KCNB2: variants seen among roughly 807,000 people sequenced by gnomAD.
KCNB2 encodes potassium voltage-gated channel subfamily B member 2.
A neutral mutation model predicts 61.5 loss-of-function variants in KCNB2; 15 were observed. The observed-to-expected ratio is 0.24, with a 90% CI of 0.16 to 0.38. The LOEUF is 0.38. Among genes scored for constraint, KCNB2 ranks in the 10% least tolerant of loss-of-function variants. The pLI is 1.00. For missense variants in KCNB2, 828 were observed against 1,125.2 expected, an observed-to-expected ratio of 0.74 and a Z score of 3.78; for synonymous variants, 457 against 446.0, an observed-to-expected ratio of 1.02 and a Z score of -0.31.
intron 1 of KCNB2, among the ~76,000 whole-genome samples, chr8:72,566,750 C>T (rs1015761677): frequency 9.2e-5 from 14 of 151,366 alleles, no homozygotes; most frequent in African/African-American, 3.2e-4. Context: ...GAAGTCTAGG[C>T]AAGTAAGTGA....
chr8:72,598,120 T>C (rs1807229136), intron 2 of KCNB2, among the ~76,000 whole-genome samples: 2 of 139,454 alleles, frequency 1.4e-5, no homozygotes, highest in South Asian at 2.3e-4. Context: ...AAATGTGGTA[T>C]GTCAAAGCCT....
At chr8:72,825,358 G>C (rs925442094) in intron 2 of KCNB2, among the ~76,000 whole-genome samples, 2 of 152,100 alleles carry the variant, frequency 1.3e-5, no homozygotes, top group African/African-American at 4.8e-5. Context: ...TATGAACATG[G>C]GTGTACAAAT....
chr8:72,714,789 G>T (rs1382526023), intron 2 of KCNB2, among the ~76,000 whole-genome samples: 1 of 152,162 alleles, frequency 6.6e-6, no homozygotes, highest in Non-Finnish European at 1.5e-5. Flanking sequence ...CATAATGACA[G>T]GATCAAATTC....
chr8:72,925,950 A>G (rs1032784260), intron 2 of KCNB2, among the ~76,000 whole-genome samples: 2 of 152,200 alleles, frequency 1.3e-5, no homozygotes, highest in South Asian at 2.1e-4. Context: ...TTGCAGGGAC[A>G]TGCATGGAGC....
chr8:72,666,689 G>A (rs1806479334), intron 2 of KCNB2, among the ~76,000 whole-genome samples: 1 of 131,892 alleles, frequency 7.6e-6, no homozygotes, highest in South Asian at 2.4e-4. Context: ...TCTTGCTCTT[G>A]TCGCCCAGGC....
At chr8:72,780,768 T>G (rs1322177498) in intron 2 of KCNB2, among the ~76,000 whole-genome samples, 24 of 152,188 alleles carry the variant, frequency 1.6e-4, no homozygotes, top group Admixed American at 1.5e-3. Context: ...AAATGATATT[T>G]CTGGTTCTAG....
At chr8:72,729,150 A>G (rs879746226) in intron 2 of KCNB2, among the ~76,000 whole-genome samples, 1 of 152,208 alleles carries the variant, frequency 6.6e-6, no homozygotes, top group Admixed American at 6.5e-5. Context: ...TTCCCACTGC[A>G]TGGAGTTGTG....
At chr8:72,693,343 C>T (rs1806968940) in intron 2 of KCNB2, among the ~76,000 whole-genome samples, 2 of 152,138 alleles carry the variant, frequency 1.3e-5, no homozygotes, top group Admixed American at 1.3e-4. Context: ...CACGGATGTC[C>T]TTTTGCAAAA....
intron 1 of KCNB2, among the ~76,000 whole-genome samples, chr8:72,540,255 C>G (rs1475181562): frequency 1.3e-5 from 2 of 151,996 alleles, no homozygotes; most frequent in Non-Finnish European, 2.9e-5. Context: ...AACTTGCTAT[C>G]TCTTAAAGAC....
intron 2 of KCNB2, among the ~76,000 whole-genome samples, chr8:72,707,286 G>A (rs1245233824): frequency 1.3e-5 from 2 of 152,076 alleles, no homozygotes; most frequent in Non-Finnish European, 2.9e-5. Context: ...TTTAATTTAG[G>A]TTCCTCATGC....
intron 2 of KCNB2, among the ~76,000 whole-genome samples, chr8:72,700,359 A>G (rs1264056325): frequency 2.0e-5 from 3 of 152,130 alleles, no homozygotes; most frequent in Non-Finnish European, 2.9e-5. Context: ...ACTTAAAGTA[A>G]AATTAATTAA....
chr8:72,701,249 A>G (rs1417431446), intron 2 of KCNB2, among the ~76,000 whole-genome samples: 1 of 152,202 alleles, frequency 6.6e-6, no homozygotes, highest in African/African-American at 2.4e-5. Context: ...TTTTTTAAAA[A>G]AAAGAGAGAA....
chr8:72,735,976 C>T (rs569155608), intron 2 of KCNB2, among the ~76,000 whole-genome samples: 12 of 152,170 alleles, frequency 7.9e-5, no homozygotes, highest in East Asian at 3.9e-4. Flanking sequence ...TTAGAGAATA[C>T]GGTATGGAAA....
At chr8:72,695,755 A>G (rs146608330) in intron 2 of KCNB2, among the ~76,000 whole-genome samples, 32 of 152,182 alleles carry the variant, frequency 2.1e-4, no homozygotes, top group Non-Finnish European at 4.3e-4. Context: ...CCTGAAACTG[A>G]CTTTTGACAC....
chr8:72,703,644 C>A (rs967266501), intron 2 of KCNB2, among the ~76,000 whole-genome samples: 1 of 152,162 alleles, frequency 6.6e-6, no homozygotes, highest in African/African-American at 2.4e-5. Flanking sequence ...AGGATGAGGG[C>A]TTCTGTGCCA....
intron 2 of KCNB2, among the ~76,000 whole-genome samples, chr8:72,583,079 A>T (rs543940312): frequency 6.6e-6 from 1 of 152,284 alleles, no homozygotes; most frequent in African/African-American, 2.4e-5. Flanking sequence ...TAAGTTCAGG[A>T]TTTAGATAAA....
chr8:72,844,138 G>A (rs898927059), intron 2 of KCNB2, among the ~76,000 whole-genome samples: 35 of 152,140 alleles, frequency 2.3e-4, no homozygotes, highest in Admixed American at 2.3e-3. Flanking sequence ...GCCTGGTGGT[G>A]ACAAAATCTC....
At chr8:72,935,728 G>C (rs979138933) in intron 2 of KCNB2, among the ~76,000 whole-genome samples, 1 of 152,156 alleles carries the variant, frequency 6.6e-6, no homozygotes, top group Non-Finnish European at 1.5e-5. Flanking sequence ...AGTGCGGAAG[G>C]GGGGAATGGA....
intron 2 of KCNB2, among the ~76,000 whole-genome samples, chr8:72,600,893 G>A (rs1026456524): frequency 6.6e-6 from 1 of 151,984 alleles, no homozygotes; most frequent in Non-Finnish European, 1.5e-5. Flanking sequence ...ATAGGTACTA[G>A]GCTTAATACC....
Sources: gnomAD v4.1 joint callset for allele counts (sites outside exome capture counted in the v4.1 genomes callset) on GRCh38, gnomAD v4.1.1 for gene constraint, MANE v1.5 for transcripts, NCBI Gene and HGNC (gene_info 2026-07-23, HGNC 2026-07-21) for gene names.